The following MCC variants were observed in gnomAD, a reference collection of about 807,000 sequenced individuals.
The protein encoded by MCC is MCC regulator of Wnt signaling pathway, also known as colorectal mutant cancer protein.
A neutral mutation model predicts 116.2 loss-of-function variants in MCC; 90 were observed. That is an observed-to-expected ratio of 0.77 (90% CI 0.65 to 0.92). The LOEUF is 0.92. Ranked by LOEUF, MCC falls within the 40% of genes least tolerant of loss-of-function variation. MCC has a pLI of 0.00. For missense variants in MCC, 1,516 were observed against 1,312.2 expected, an observed-to-expected ratio of 1.16 and a Z score of -2.40; for synonymous variants, 578 against 510.5, an observed-to-expected ratio of 1.13 and a Z score of -1.78.
rs1271717799 is a variant in MCC, at chr5:113,371,919, G to A, written c.415+13049C>T. ...CCAAATTAAACACTTTCTGTAAGCA[G>A]ACTGAGCCTTTATCTCAGCCAAGTA... On this transcript the variant is annotated intron_variant, in intron 2 of 18. Transcript: ENST00000408903. Among the ~76,000 whole-genome samples the A allele has an allele frequency of 2.0e-5, 3 of 152,290 alleles. No homozygotes were observed. The East Asian group carries it at 5.8e-4, about 29-fold the overall frequency.
At chr5:113,436,772 T>C (rs913193797) in intron 1 of MCC, 1 of 152,170 alleles carries the variant, frequency 6.6e-6, no homozygotes, top group Non-Finnish European at 1.5e-5. Context: ...CTAAGAACCT[T>C]GGTCTCTACA....
intron 3 of MCC, among the ~76,000 whole-genome samples, chr5:113,297,611 G>T (rs996803777): frequency 2.0e-5 from 3 of 151,712 alleles, no homozygotes; most frequent in African/African-American, 4.8e-5. Context: ...ATGGTGGTGT[G>T]CACCATGTAG....
At chr5:113,077,759 G>T (rs1754557964) in intron 11 of MCC, among the ~76,000 whole-genome samples, 1 of 152,046 alleles carries the variant, frequency 6.6e-6, no homozygotes, top group South Asian at 2.1e-4. Flanking sequence ...AGAAAATCAA[G>T]AGCCAACACA....
chr5:113,195,544 C>G (rs977019243), intron 3 of MCC, among the ~76,000 whole-genome samples: 2 of 152,132 alleles, frequency 1.3e-5, no homozygotes, highest in African/African-American at 4.8e-5. Context: ...CATCTGTGGG[C>G]TCTGGGCCTC....
At chr5:113,088,792 C>T (rs1755384040) in intron 8 of MCC, among the ~76,000 whole-genome samples, 1 of 152,038 alleles carries the variant, frequency 6.6e-6, no homozygotes, top group South Asian at 2.1e-4. Flanking sequence ...TTGTAGTAAT[C>T]CAAATACTCC....
Position 113,484,154 on chromosome 5 carries a change from A to G in MCC, c.170+4091T>C, listed in dbSNP as rs115401961. ...CTTAGTATCCATAACTATAGTGGGC[A>G]CTAGGCTTAGTACCCATAACTAATG... On this transcript the variant is annotated intron_variant, in intron 1 of 18. Transcript: ENST00000408903. 6.5e-3 allele frequency among the ~76,000 whole-genome samples: 985 copies of G among 152,238 alleles called. 4 individuals are homozygous for G. Among genetic ancestry groups the G allele is most frequent in the African/African-American group, 0.022 (901 of 41,526 alleles).
chr5:113,172,227 G>A (rs1012055398), intron 3 of MCC, among the ~76,000 whole-genome samples: 1 of 152,156 alleles, frequency 6.6e-6, no homozygotes, highest in South Asian at 2.1e-4. Flanking sequence ...AGGATTCAGA[G>A]GTGACAGCAA....
At chr5:113,439,616 T>C (rs926307444) in intron 1 of MCC, among the ~76,000 whole-genome samples, 5 of 152,174 alleles carry the variant, frequency 3.3e-5, no homozygotes, top group African/African-American at 4.8e-5. Flanking sequence ...TAGAGACTCA[T>C]GTCACTGAAG....
At chr5:113,096,666 T>C (rs935855050) in intron 8 of MCC, among the ~76,000 whole-genome samples, 14 of 152,288 alleles carry the variant, frequency 9.2e-5, no homozygotes, top group Admixed American at 3.3e-4. Flanking sequence ...GTGGGAGCCT[T>C]TGAGTGGGCT....
At chr5:113,215,422 C>T (rs1420831627) in intron 3 of MCC, among the ~76,000 whole-genome samples, 1 of 152,120 alleles carries the variant, frequency 6.6e-6, no homozygotes, top group Non-Finnish European at 1.5e-5. Flanking sequence ...GAATACTGCA[C>T]CCTTCAAAAT....
chr5:113,411,008 G>A (rs895521571), intron 1 of MCC, among the ~76,000 whole-genome samples: 5 of 152,088 alleles, frequency 3.3e-5, no homozygotes, highest in Non-Finnish European at 5.9e-5. Flanking sequence ...GTCTATCATT[G>A]ATGGACATAT....
chr5:113,033,892 T>C (rs1342432007), intron 17 of MCC, among the ~76,000 whole-genome samples: 2 of 152,020 alleles, frequency 1.3e-5, no homozygotes, highest in Non-Finnish European at 2.9e-5. Flanking sequence ...AGAGCCAGGG[T>C]GGGACTTTTA....
intron 1 of MCC, chr5:113,433,396 T>C: frequency 1.9e-6 from 1 of 534,788 alleles, no homozygotes; most frequent in Middle Eastern, 3.1e-4. Flanking sequence ...TGGACAGCGG[T>C]GCCTTCCTGC....
At chr5:113,321,492 C>T (rs1402979406) in intron 3 of MCC, among the ~76,000 whole-genome samples, 1 of 152,166 alleles carries the variant, frequency 6.6e-6, no homozygotes, top group Non-Finnish European at 1.5e-5. Context: ...ATAAACCAGG[C>T]AAGTGCGGAG....
chr5:113,366,596 C>T (rs779131863), intron 2 of MCC, among the ~76,000 whole-genome samples: 21 of 152,014 alleles, frequency 1.4e-4, no homozygotes, highest in African/African-American at 4.1e-4. Flanking sequence ...CCTGAGAAGA[C>T]GCTGAAATTT....
At chr5:113,053,025 G>A (rs755591416) in intron 15 of MCC, among the ~76,000 whole-genome samples, 2 of 152,198 alleles carry the variant, frequency 1.3e-5, no homozygotes, top group African/African-American at 2.4e-5. Flanking sequence ...GCAGGTACCA[G>A]GTGAAGGGCT....
At chr5:113,209,402 C>T (rs1203291845) in intron 3 of MCC, among the ~76,000 whole-genome samples, 5 of 152,170 alleles carry the variant, frequency 3.3e-5, no homozygotes, top group African/African-American at 1.2e-4. Flanking sequence ...AAACATCAGA[C>T]GGTGCCGATG....
intron 2 of MCC, among the ~76,000 whole-genome samples, chr5:113,356,632 T>C (rs1018601872): frequency 1.2e-4 from 19 of 152,124 alleles, no homozygotes; most frequent in Non-Finnish European, 2.4e-4. Context: ...GCTGGGTACT[T>C]GGCAGCTACA....
intron 1 of MCC, among the ~76,000 whole-genome samples, chr5:113,469,649 T>A (rs1772022830): frequency 6.6e-6 from 1 of 152,192 alleles, no homozygotes; most frequent in South Asian, 2.1e-4. Context: ...CTGAAAAGAA[T>A]GTATATTCTG....
Sources: gnomAD v4.1 joint callset for allele counts (sites outside exome capture counted in the v4.1 genomes callset) on GRCh38, gnomAD v4.1.1 for gene constraint, MANE v1.5 for transcripts, NCBI Gene and HGNC (gene_info 2026-07-23, HGNC 2026-07-21) for gene names.